NUP155: variants seen among roughly 807,000 people sequenced by gnomAD.
The protein encoded by NUP155 is nucleoporin 155.
NUP155 carries 71 observed loss-of-function variants against 180.4 expected under a neutral mutation model. The observed-to-expected ratio is 0.39, with a 90% CI of 0.33 to 0.48. The LOEUF (loss-of-function observed/expected upper bound fraction) is 0.48. NUP155 is among the 20% of genes least tolerant of loss of function. The pLI, the probability that NUP155 is intolerant of heterozygous loss-of-function variation, is 0.91. For missense variants in NUP155, 1,553 were observed against 1,648.9 expected, an observed-to-expected ratio of 0.94 and a Z score of 1.01; for synonymous variants, 582 against 559.5, an observed-to-expected ratio of 1.04 and a Z score of -0.57.
intron 24 of NUP155, among the ~76,000 whole-genome samples, chr5:37,308,527 C>A (rs1743311862): frequency 6.6e-6 from 1 of 151,936 alleles, no homozygotes; most frequent in Admixed American, 6.6e-5. Context: ...TGAAACCCAT[C>A]TCTACTAAAA....
At chr5:37,297,945 A>C (rs1003843795) in intron 32 of NUP155, among the ~76,000 whole-genome samples, 2 of 151,972 alleles carry the variant, frequency 1.3e-5, no homozygotes, top group African/African-American at 2.4e-5. Flanking sequence ...AAAAAAAAAA[A>C]AAAAAAATTA....
At chr5:37,344,171 C>T (rs1448321428) in intron 9 of NUP155, among the ~76,000 whole-genome samples, 1 of 151,664 alleles carries the variant, frequency 6.6e-6, no homozygotes, top group Non-Finnish European at 1.5e-5. Context: ...GAAACCCCAT[C>T]TCTACTAAAA....
chr5:37,327,407 G>A (rs1561787324), intron 18 of NUP155, among the ~76,000 whole-genome samples: 1 of 152,094 alleles, frequency 6.6e-6, no homozygotes, highest in Non-Finnish European at 1.5e-5. Context: ...GTATTTTGAT[G>A]CTACAAAAAT....
chr5:37,321,557 A>T (rs1261345170), intron 20 of NUP155, among the ~76,000 whole-genome samples: 2 of 151,968 alleles, frequency 1.3e-5, no homozygotes, highest in East Asian at 3.9e-4. Flanking sequence ...TCTCTACTAA[A>T]AATACAAAAA....
Position 37,350,202 on chromosome 5 carries a change from A to G in NUP155, c.787T>C (p.Phe263Leu). 1 of 1,613,948 alleles carries G rather than the reference A, an allele frequency of 6.2e-7. No homozygotes were observed. Among genetic ancestry groups the G allele is most frequent in the Non-Finnish European group, 8.5e-7 (1 of 1,179,904 alleles). Residue 263 changes from phenylalanine (F) to leucine (L), a missense_variant, in exon 7 of 35, where the codon TTC (phenylalanine) becomes CTC (leucine). Phe to Leu is a conservative substitution (Grantham distance 22). Coordinates refer to ENST00000231498, the MANE Select transcript of NUP155 (RefSeq NM_153485.3). ...KINHSKSSLS[F>L]LVPSLLQFTF... ...AATTGTAGCAAGGAAGGAACAAGGA[A>G]AGAAAGTGAGCTCTTTGAGTGGTTT...
At chr5:37,313,506 A>T (rs927349040) in intron 22 of NUP155, among the ~76,000 whole-genome samples, 24 of 140,642 alleles carry the variant, frequency 1.7e-4, no homozygotes, top group East Asian at 8.1e-4. Flanking sequence ...TGTGTGTGTG[A>T]GAGAGACAGA....
At chr5:37,293,976 G>A (rs1164525520) in intron 33 of NUP155, among the ~76,000 whole-genome samples, 3 of 64,300 alleles carry the variant, frequency 4.7e-5, no homozygotes, top group Admixed American at 1.5e-4. Flanking sequence ...TCCGCAGTCC[G>A]GCCTGGGCAA....
Position 37,305,021 on chromosome 5 carries a change from T to C in NUP155, c.3057+36A>G, listed in dbSNP as rs1173500436. 2.5e-6 allele frequency: 4 copies of C among 1,608,172 alleles called. No homozygotes were observed. The South Asian group carries it at 3.3e-5, about 13-fold the overall frequency. On this transcript the variant is annotated intron_variant, in intron 26 of 34. Transcript: ENST00000231498. ...ATTACCATGGAGAACTTCTAAACAG[T>C]GTATTCTCAGAATGAAAATATACTA...
chr5:37,299,861 C>T (rs762553845), intron 30 of NUP155, among the ~76,000 whole-genome samples: 10 of 143,820 alleles, frequency 7.0e-5, no homozygotes, highest in Admixed American at 1.4e-4. Context: ...GGTGAAACCC[C>T]GTCTCTACTA....
intron 20 of NUP155, among the ~76,000 whole-genome samples, chr5:37,319,652 G>T (rs1390921885): frequency 1.3e-5 from 2 of 152,148 alleles, no homozygotes; most frequent in Non-Finnish European, 2.9e-5. Flanking sequence ...GATCACCTAA[G>T]CCCAGGAGTG....
In NUP155 at chr5:37,309,176, A is replaced by T; in HGVS notation, c.2720T>A (p.Ile907Asn). ...ATTGGAAAGGTCCACTTGATTGCTA[A>T]TTTTTTGATATTCCTTTAATGATTC... ...LRESLKEYQK[I>N]SNQVDLSNVC... The change falls in exon 24 of 35, where the codon ATT becomes AAT. Residue 907 changes from isoleucine to asparagine, a missense_variant. Ile to Asn is a moderately radical substitution (Grantham distance 149). Coordinates refer to ENST00000231498, the MANE Select transcript of NUP155 (RefSeq NM_153485.3). 1 of 1,613,548 alleles carries T rather than the reference A, an allele frequency of 6.2e-7. No individual in the cohort carries two copies. Among genetic ancestry groups the T allele is most frequent in the South Asian group, 1.1e-5 (1 of 91,078 alleles).
intron 25 of NUP155, among the ~76,000 whole-genome samples, chr5:37,305,987 G>T (rs1743131440): frequency 6.6e-6 from 1 of 152,168 alleles, no homozygotes; most frequent in African/African-American, 2.4e-5. Context: ...TGGCAGAATA[G>T]ATGTACATAT....
chr5:37,295,875 T>C (rs1164518069), intron 32 of NUP155, among the ~76,000 whole-genome samples: 2 of 125,776 alleles, frequency 1.6e-5, no homozygotes, highest in Non-Finnish European at 3.2e-5. Flanking sequence ...GGGAGGGAGG[T>C]TGGGGGGTCA....
At position 37,299,534 on chromosome 5, in the gene NUP155, G is replaced by T. The variant is rs773708725; in HGVS notation, c.3596C>A (p.Ala1199Glu). The T allele has an allele frequency of 9.3e-6, 15 of 1,613,894 alleles. No individual in the cohort carries two copies. The highest frequency in any genetic ancestry group is 1.1e-5 in the Non-Finnish European group (13 of 1,179,918). ...ATGAATTATTGCAAGTTTGCACTCT[G>T]CAAGTTTAAATGGGTCAGCAAATTC... ...YGEFADPFKLAECKLAIIHCA... is the reference protein window; with the variant it reads ...YGEFADPFKLEECKLAIIHCA... Residue 1199 changes from alanine (A) to glutamate (E), a missense_variant, in exon 31 of 35, where the codon GCA (alanine) becomes GAA (glutamate). By Grantham distance (107) the Ala-to-Glu change is moderately radical. Coordinates refer to ENST00000231498, the MANE Select transcript of NUP155 (RefSeq NM_153485.3).
rs1323380662 is a variant in NUP155 at position 37,327,480 on chromosome 5, GAAT to G, written c.2024+146_2024+148del. On this transcript the variant is annotated intron_variant, in intron 18 of 34. Coordinates refer to ENST00000231498, the MANE Select transcript of NUP155 (RefSeq NM_153485.3). ...GAATATAGTTAGATAACAAAAACTG[GAAT>G]AATAGAAAAGTTTTATTGATCAACA... 4.5e-5 allele frequency: 34 copies of G among 756,454 alleles called. No homozygotes were observed. The African/African-American group carries it at 5.1e-4, about 11-fold the overall frequency. The allele number at this position is 756,454 out of a possible 1,614,324, so 46.9% of individuals were successfully genotyped here.
intron 15 of NUP155, among the ~76,000 whole-genome samples, chr5:37,329,670 C>G (rs979854585): frequency 6.6e-6 from 1 of 152,040 alleles, no homozygotes; most frequent in Non-Finnish European, 1.5e-5. Flanking sequence ...TCTTTGGTAC[C>G]AAGTTTCCTT....
intron 3 of NUP155, among the ~76,000 whole-genome samples, chr5:37,361,306 GGA>G (rs532385418): frequency 2.1e-5 from 3 of 144,042 alleles, no homozygotes; most frequent in Non-Finnish European, 1.5e-5. Context: ...GAACAGAAAA[GGA>G]GAGAGAGAGA....
Position 37,341,250 on chromosome 5 carries a change from T to G in NUP155, c.1094-8A>C. 6.2e-7 allele frequency: 1 copy of G among 1,612,656 alleles called. No homozygotes were observed. On this transcript the variant is annotated splice_region_variant and splice_polypyrimidine_tract_variant and intron_variant, in intron 10 of 34. Coordinates refer to ENST00000231498, the MANE Select transcript of NUP155 (RefSeq NM_153485.3). ...TAAAATATAACCTAACACCTGAAGA[T>G]GGGGTAAAATTATGCATCAGTAATA...
At chr5:37,329,130 T>C (rs1337696074) in intron 16 of NUP155, 60 bp downstream of exon 16, 29 of 1,231,446 alleles carry the variant, frequency 2.4e-5, no homozygotes, top group Non-Finnish European at 3.5e-5. Context: ...TAAAAATTGC[T>C]ATAAAGGTTC....
Sources: gnomAD v4.1 joint callset for allele counts (sites outside exome capture counted in the v4.1 genomes callset) on GRCh38, gnomAD v4.1.1 for gene constraint, MANE v1.5 for transcripts, NCBI Gene and HGNC (gene_info 2026-07-23, HGNC 2026-07-21) for gene names.